The following TMEM45B variants were observed in gnomAD, a reference collection of about 807,000 sequenced individuals.
TMEM45B encodes transmembrane protein 45B.
Under a neutral mutation model 27.3 loss-of-function variants are expected in TMEM45B, and 29 were observed. That is an observed-to-expected ratio of 1.06 (90% CI 0.79 to 1.45). The LOEUF (loss-of-function observed/expected upper bound fraction) is 1.45, where lower values mean the gene tolerates loss of function less well. Ranked by LOEUF, TMEM45B falls within the 40% of genes most tolerant of loss-of-function variation. The pLI, the probability that TMEM45B is intolerant of heterozygous loss-of-function variation, is 0.00. For synonymous variants in TMEM45B, 143 were observed against 134.7 expected, an observed-to-expected ratio of 1.06 and a Z score of -0.43; for missense variants, 348 against 343.9, an observed-to-expected ratio of 1.01 and a Z score of -0.09.
At chr11:129,824,204 A>G (rs1947453051) in intron 1 of TMEM45B, among the ~76,000 whole-genome samples, 1 of 152,188 alleles carries the variant, frequency 6.6e-6, no homozygotes, top group African/African-American at 2.4e-5. Flanking sequence ...ACTAAACTAC[A>G]GTGCAAAACA....
chr11:129,857,836 G>A (rs1207149790), intron 5 of TMEM45B, among the ~76,000 whole-genome samples: 1 of 152,028 alleles, frequency 6.6e-6, no homozygotes, highest in Non-Finnish European at 1.5e-5. Flanking sequence ...CAGAAATGAT[G>A]TGACAGTCAA....
At chr11:129,844,087 A>G (rs998145376) in intron 1 of TMEM45B, among the ~76,000 whole-genome samples, 19 of 152,140 alleles carry the variant, frequency 1.2e-4, no homozygotes, top group African/African-American at 4.6e-4. Context: ...AATGTGGTGT[A>G]TATATATATA....
At chr11:129,827,646 A>T (rs1947501669) in intron 1 of TMEM45B, among the ~76,000 whole-genome samples, 1 of 152,120 alleles carries the variant, frequency 6.6e-6, no homozygotes, top group Non-Finnish European at 1.5e-5. Flanking sequence ...TCTACTAAAA[A>T]TACAAAATTA....
chr11:129,833,811 G>A (rs1196204950), intron 1 of TMEM45B, among the ~76,000 whole-genome samples: 15 of 152,252 alleles, frequency 9.9e-5, no homozygotes, highest in Non-Finnish European at 7.4e-5. Context: ...GACACACACC[G>A]AAAGAAGACC....
rs1947372654 is a variant in TMEM45B at position 129,818,042 on chromosome 11, AT to A, written c.-9+2146del. On this transcript the variant is annotated intron_variant, in intron 1 of 5. Coordinates refer to ENST00000281441, the MANE Select transcript of TMEM45B (RefSeq NM_138788.5). ...AAGATCATAAGACAAACACTAGATT[AT>A]TCCCAGTATGAGACCATACTGAATA... Among the ~76,000 whole-genome samples, 9 of 152,194 alleles carry A rather than the reference AT, an allele frequency of 5.9e-5. No homozygotes were observed. In the South Asian group the frequency reaches 1.9e-3, roughly 31 times the overall value.
intron 1 of TMEM45B, among the ~76,000 whole-genome samples, chr11:129,838,871 C>G (rs11221871): frequency 0.26 from 39,753 of 152,054 alleles, 5,899 homozygotes; most frequent in East Asian, 0.35. Flanking sequence ...ACCATTCCTG[C>G]TTTCCCCCTC....
intron 1 of TMEM45B, among the ~76,000 whole-genome samples, chr11:129,845,270 TA>T (rs1565369952): frequency 4.8e-5 from 4 of 82,676 alleles, no homozygotes; most frequent in Non-Finnish European, 1.1e-4. Flanking sequence ...TGTGTGTGTG[TA>T]TGTGTGTGTG....
chr11:129,856,244 C>T (rs1245046606), intron 4 of TMEM45B, among the ~76,000 whole-genome samples: 3 of 152,148 alleles, frequency 2.0e-5, no homozygotes, highest in Non-Finnish European at 4.4e-5. Flanking sequence ...GAGAGACTCA[C>T]CCTGTCACCC....
At chr11:129,820,131 T>C (rs1947401173) in intron 1 of TMEM45B, among the ~76,000 whole-genome samples, 1 of 151,748 alleles carries the variant, frequency 6.6e-6, no homozygotes, top group African/African-American at 2.4e-5. Flanking sequence ...CTGGCCAACA[T>C]GGTGAAACCC....
intron 1 of TMEM45B, among the ~76,000 whole-genome samples, chr11:129,847,326 G>T (rs1426981328): frequency 6.6e-6 from 1 of 152,134 alleles, no homozygotes; most frequent in Non-Finnish European, 1.5e-5. Context: ...AGAACATGAG[G>T]CTGTTGCTTT....
At chr11:129,854,057 G>GGCTTGCAGA (rs1327722881) in intron 2 of TMEM45B, among the ~76,000 whole-genome samples, 6 of 152,314 alleles carry the variant, frequency 3.9e-5, no homozygotes, top group Non-Finnish European at 7.4e-5. Context: ...AGGGGCGCAG[G>GGCTTGCAGA]GCTTGCAGAG....
chr11:129,827,102 C>T (rs73031477), intron 1 of TMEM45B: 20,639 of 152,310 alleles, frequency 0.14, 1,502 homozygotes, highest in South Asian at 0.27. Context: ...GTGAGGCCTG[C>T]CCAGTTTCTC....
intron 1 of TMEM45B, among the ~76,000 whole-genome samples, chr11:129,851,468 T>C (rs1041544738): frequency 2.1e-5 from 3 of 141,568 alleles, no homozygotes; most frequent in Non-Finnish European, 3.0e-5. Flanking sequence ...CGCTTGAACC[T>C]GGGAGGCAGA....
intron 1 of TMEM45B, among the ~76,000 whole-genome samples, chr11:129,845,193 G>A (rs574721267): frequency 8.2e-4 from 124 of 151,970 alleles, no homozygotes; most frequent in African/African-American, 2.9e-3. Context: ...ACACACACAC[G>A]CACACGTCTC....
chr11:129,837,546 CA>C (rs1947635808), intron 1 of TMEM45B, among the ~76,000 whole-genome samples: 1 of 146,736 alleles, frequency 6.8e-6, no homozygotes, highest in Non-Finnish European at 1.5e-5. Flanking sequence ...CTCGGCCTCC[CA>C]AAGTGCTGGA....
intron 1 of TMEM45B, among the ~76,000 whole-genome samples, chr11:129,828,805 C>G (rs931218577): frequency 6.6e-6 from 1 of 152,196 alleles, no homozygotes; most frequent in African/African-American, 2.4e-5. Context: ...TTCCCATTAA[C>G]AAGTTATGCT....
At chr11:129,848,513 G>A (rs894775232) in intron 1 of TMEM45B, among the ~76,000 whole-genome samples, 1 of 96,442 alleles carries the variant, frequency 1.0e-5, no homozygotes, top group Non-Finnish European at 2.2e-5. Flanking sequence ...GAAAGAGAGG[G>A]AGAGGGAGAG....
chr11:129,851,121 G>C (rs1011405818), intron 1 of TMEM45B, among the ~76,000 whole-genome samples: 1 of 152,222 alleles, frequency 6.6e-6, no homozygotes, highest in Non-Finnish European at 1.5e-5. Flanking sequence ...GGTGTCTGCT[G>C]AGGGCTGCAT....
chr11:129,825,376 A>G (rs539552704), intron 1 of TMEM45B, among the ~76,000 whole-genome samples: 114 of 152,316 alleles, frequency 7.5e-4, no homozygotes, highest in Middle Eastern at 3.4e-3. Flanking sequence ...AGTTTGGGAT[A>G]TGAGAAGAGA....
Sources: allele counts gnomAD v4.1 joint callset (sites outside exome capture counted in the v4.1 genomes callset), GRCh38; gene constraint gnomAD v4.1.1; transcripts MANE v1.5; gene names NCBI Gene and HGNC (gene_info 2026-07-23, HGNC 2026-07-21).